MMP26: variants seen among roughly 807,000 people sequenced by gnomAD.
MMP26 encodes matrix metalloproteinase-26.
Under a neutral mutation model 31.0 loss-of-function variants are expected in MMP26, and 33 were observed. That is an observed-to-expected ratio of 1.06 (90% CI 0.81 to 1.42). The LOEUF (loss-of-function observed/expected upper bound fraction) is 1.42. Among genes scored for constraint, MMP26 ranks in the 40% most tolerant of loss-of-function variants. MMP26 has a pLI of 0.00. For missense variants in MMP26, 347 were observed against 316.1 expected, an observed-to-expected ratio of 1.10 and a Z score of -0.74; for synonymous variants, 122 against 114.9, an observed-to-expected ratio of 1.06 and a Z score of -0.40.
chr11:4,924,074 A>C, intron 2 of MMP26: 1 of 1,614,168 alleles, frequency 6.2e-7, no homozygotes, highest in Non-Finnish European at 8.5e-7. Context: ...TCTGGTATCA[A>C]ACCAGAAAAT....
At chr11:4,714,201 G>A (rs969943297) in intron 1 of MMP26, among the ~76,000 whole-genome samples, 2 of 152,130 alleles carry the variant, frequency 1.3e-5, no homozygotes, top group African/African-American at 2.4e-5. Flanking sequence ...AGAATGAGGG[G>A]GACTTTATTA....
At chr11:4,882,436 AT>A (rs746813433) in intron 2 of MMP26, 3 of 1,613,570 alleles carry the variant, frequency 1.9e-6, no homozygotes, top group Non-Finnish European at 2.5e-6. Flanking sequence ...TTTCCCATCC[AT>A]TTTGCTACCA....
chr11:4,960,910 A>T (rs1222275095), intron 2 of MMP26, among the ~76,000 whole-genome samples: 10 of 152,220 alleles, frequency 6.6e-5, no homozygotes, highest in African/African-American at 2.4e-4. Flanking sequence ...TATAATAGTT[A>T]CTGAGCAAAC....
At chr11:4,956,885 A>G (rs528988281) in intron 2 of MMP26, among the ~76,000 whole-genome samples, 1 of 152,360 alleles carries the variant, frequency 6.6e-6, no homozygotes, top group South Asian at 2.1e-4. Flanking sequence ...AATATTTCTT[A>G]GAAAATTAAA....
chr11:4,903,397 A>G (rs1161221522), intron 2 of MMP26, among the ~76,000 whole-genome samples: 2 of 152,134 alleles, frequency 1.3e-5, no homozygotes, highest in Non-Finnish European at 2.9e-5. Flanking sequence ...ATAGATTACT[A>G]TCTCCATTTT....
intron 2 of MMP26, among the ~76,000 whole-genome samples, chr11:4,911,623 C>T (rs1167078006): frequency 2.0e-5 from 3 of 152,050 alleles, no homozygotes; most frequent in African/African-American, 4.8e-5. Flanking sequence ...ACTTGTTCTG[C>T]CATTCTGCAA....
chr11:4,704,917 G>A lies in MMP26; in HGVS notation c.-345G>A, dbSNP rs988325753. On this transcript the variant is annotated 5_prime_UTR_variant, in exon 1 of 8. Transcript: ENST00000380390. Reference sequence around the variant, plus strand: ...AGAACCTTTCTGCAAGTAAGTTAGTGAGGTTGAGATAACTCTCTCTCACTT... The same window carrying A: ...AGAACCTTTCTGCAAGTAAGTTAGTAAGGTTGAGATAACTCTCTCTCACTT... 6.6e-6 allele frequency: 1 copy of A among 152,178 alleles called. No individual in the cohort carries two copies. Among genetic ancestry groups the A allele is most frequent in the African/African-American group, 2.4e-5 (1 of 41,446 alleles). 9.4% of individuals were successfully genotyped at this position (152,178 alleles called of 1,614,324 possible). A position where few individuals can be genotyped will look rare whatever the true frequency, so the allele number is the denominator to read the frequency against.
chr11:4,790,338 G>A (rs1456665585), intron 2 of MMP26, among the ~76,000 whole-genome samples: 1 of 152,154 alleles, frequency 6.6e-6, no homozygotes, highest in Non-Finnish European at 1.5e-5. Context: ...AACAGAGTGA[G>A]ACTCTGTCTC....
At chr11:4,761,502 G>C (rs1445484971) in intron 1 of MMP26, among the ~76,000 whole-genome samples, 1 of 152,038 alleles carries the variant, frequency 6.6e-6, no homozygotes, top group East Asian at 1.9e-4. Flanking sequence ...GCACCATTCT[G>C]TTACACTGCA....
rs1469207050 is a variant in MMP26 at position 4,947,563 on chromosome 11, G to A, written c.-144-40505G>A. On this transcript the variant is annotated intron_variant, in intron 2 of 7. Coordinates refer to ENST00000380390, the MANE Select transcript of MMP26 (RefSeq NM_021801.5). ...TACTTACCAGTAAGTGGATATGTTT[G>A]TAAGCACTTTTGATAAAAGCTAAAT... is the stretch of plus-strand genomic sequence containing the variant. 3 of 129,484 alleles carry A rather than the reference G, an allele frequency of 2.3e-5. 1 individual carries two copies. Among genetic ancestry groups the A allele is most frequent in the African/African-American group, 5.4e-5 (2 of 36,922 alleles). 8.0% of individuals were successfully genotyped at this position (129,484 alleles called of 1,614,324 possible). A position where few individuals can be genotyped will look rare whatever the true frequency, so the allele number is the denominator to read the frequency against.
At chr11:4,821,807 G>A (rs778675282) in intron 2 of MMP26, 1 of 1,612,906 alleles carries the variant, frequency 6.2e-7, no homozygotes, top group African/African-American at 1.3e-5. Flanking sequence ...GTGGCCATCT[G>A]TTACCCACTG....
chr11:4,915,014 A>C, intron 2 of MMP26: 8 of 1,614,146 alleles, frequency 5.0e-6, no homozygotes, highest in Non-Finnish European at 6.8e-6. Flanking sequence ...GAGGATGAGC[A>C]GTGAGTCTAT....
chr11:4,897,908 A>T (rs975788313), intron 2 of MMP26, among the ~76,000 whole-genome samples: 7 of 149,264 alleles, frequency 4.7e-5, no homozygotes, highest in African/African-American at 1.7e-4. Flanking sequence ...TAAGTAAATA[A>T]AAATAAATAG....
chr11:4,730,306 G>A (rs1848156366), intron 1 of MMP26, among the ~76,000 whole-genome samples: 1 of 152,214 alleles, frequency 6.6e-6, no homozygotes, highest in African/African-American at 2.4e-5. Context: ...AGTATTGGAA[G>A]GGGATGACAG....
chr11:4,988,373 G>T, intron 3 of MMP26, 63 bp downstream of exon 3: 2 of 1,150,712 alleles, frequency 1.7e-6, no homozygotes, highest in Non-Finnish European at 2.6e-6. Flanking sequence ...TATTTCGTGT[G>T]TGTGTGTATG....
rs757704124 is a variant in MMP26 at position 4,822,155 on chromosome 11, C to T, written c.-145+54814C>T. ...CGGAAAGCCTTCAACACCTGCACAT[C>T]CCACATCAGTGCTGTTTCCATCTTC... is the stretch of plus-strand genomic sequence containing the variant. On this transcript the variant is annotated intron_variant, in intron 2 of 7. Coordinates refer to ENST00000380390, the MANE Select transcript of MMP26 (RefSeq NM_021801.5). 4 of 1,612,992 alleles carry T rather than the reference C, an allele frequency of 2.5e-6. No individual in the cohort carries two copies. In the Admixed American group the frequency reaches 5.0e-5, roughly 20 times the overall value.
intron 1 of MMP26, among the ~76,000 whole-genome samples, chr11:4,760,991 T>C (rs1848563557): frequency 6.6e-6 from 1 of 152,198 alleles, no homozygotes; most frequent in South Asian, 2.1e-4. Flanking sequence ...AACATCTATA[T>C]GGAATTCAGG....
chr11:4,743,767 A>G (rs917738776), intron 1 of MMP26, among the ~76,000 whole-genome samples: 34 of 152,272 alleles, frequency 2.2e-4, no homozygotes, highest in African/African-American at 8.2e-4. Context: ...TAACAACAGA[A>G]TTATACGTTA....
rs1258966613 is a variant in MMP26 at position 4,951,579 on chromosome 11, A to C, written c.-144-36489A>C. 4.8e-5 allele frequency among the ~76,000 whole-genome samples: 6 copies of C among 124,282 alleles called. 2 individuals carry two copies. The highest frequency in any genetic ancestry group is 7.3e-5 in the Non-Finnish European group (4 of 54,802). 81.5% of individuals were successfully genotyped at this position (124,282 alleles called of 152,430 possible). On this transcript the variant is annotated intron_variant, in intron 2 of 7. Transcript: ENST00000380390. ...GGGTTGTTAGGTTTCTTAAAAAATA[A>C]TTTTTATGTTGTTTGTTCCTGTCTG...
Sources: gnomAD v4.1 joint callset for allele counts (sites outside exome capture counted in the v4.1 genomes callset) on GRCh38, gnomAD v4.1.1 for gene constraint, MANE v1.5 for transcripts, NCBI Gene and HGNC (gene_info 2026-07-23, HGNC 2026-07-21) for gene names.